Variants in SDF4 observed in about 807,000 individuals in gnomAD.
SDF4 encodes stromal cell derived factor 4.
In SDF4, 22 loss-of-function variants were observed where a neutral mutation model predicts 34.2. The ratio of observed to expected loss-of-function variants is 0.64; its 90% confidence interval spans 0.46 to 0.92. The LOEUF (loss-of-function observed/expected upper bound fraction) is 0.92, where lower values mean the gene tolerates loss of function less well. Ranked by LOEUF, SDF4 falls within the 40% of genes least tolerant of loss-of-function variation. The probability of loss-of-function intolerance (pLI) is 0.00; values close to 1 mark genes in which losing one functional copy is unlikely to be tolerated. For synonymous variants in SDF4, 236 were observed against 203.1 expected (o/e 1.16, Z -1.38); for missense variants, 447 against 499.9 (o/e 0.89, Z 1.01).
At chr1:1,220,247 A>G (rs1281798055) in intron 4 of SDF4, 5 of 1,028,718 alleles carry the variant, frequency 4.9e-6, no homozygotes, top group Non-Finnish European at 5.8e-6. Context: ...TGGATCAGGG[A>G]GAGTCAACGA....
chr1:1,218,700 C>T lies in SDF4; in HGVS notation c.716-67G>A, dbSNP rs1649692370. The stretch of plus-strand genomic sequence containing the variant: ...TCCCGCAGGACCTGCCCCGACCTCC[C>T]GACGATGCCCGGCCCCTGCCAGTCG... On this transcript the variant is annotated intron_variant, in intron 5 of 6. Transcript: ENST00000360001. The surrounding 1 kb of genome is among the most constrained non-coding windows in gnomAD (Gnocchi z 7.9). 30 of 1,611,254 alleles carry T rather than the reference C, an allele frequency of 1.9e-5. No homozygotes were observed. Among genetic ancestry groups the T allele is most frequent in the Non-Finnish European group, 2.4e-5 (28 of 1,178,622 alleles).
chr1:1,227,097 C>T (rs936296355), intron 2 of SDF4, among the ~76,000 whole-genome samples: 1 of 152,216 alleles, frequency 6.6e-6, no homozygotes, highest in Non-Finnish European at 1.5e-5. Context: ...CACCAGCTCA[C>T]CTGTGCTCCG....
Position 1,228,852 on chromosome 1 carries a change from G to A in SDF4, c.-80C>T. 5 of 1,327,064 alleles carry A rather than the reference G, an allele frequency of 3.8e-6. No homozygotes were observed. Among genetic ancestry groups the A allele is most frequent in the Non-Finnish European group, 5.1e-6 (5 of 973,026 alleles). 82.2% of individuals were successfully genotyped at this position (1,327,064 alleles called of 1,614,324 possible). On this transcript the variant is annotated 5_prime_UTR_variant, in exon 2 of 7. Coordinates refer to ENST00000360001, the MANE Select transcript of SDF4 (RefSeq NM_016176.6). Reference sequence around the variant, plus strand: ...GAGGGGCAGGGGCAGGGGCAGAGGAGGAAGTGAGGTCCTGGCTCCAATCCA... The same window carrying A: ...GAGGGGCAGGGGCAGGGGCAGAGGAAGAAGTGAGGTCCTGGCTCCAATCCA...
At chr1:1,225,873 G>A (rs529296407) in intron 2 of SDF4, among the ~76,000 whole-genome samples, 1 of 152,354 alleles carries the variant, frequency 6.6e-6, no homozygotes, top group South Asian at 2.1e-4. Context: ...CAGTCAAGAT[G>A]TCGGCAAGGA....
At chr1:1,231,099 G>A (rs567589232) in intron 1 of SDF4, among the ~76,000 whole-genome samples, 38 of 152,358 alleles carry the variant, frequency 2.5e-4, no homozygotes, top group African/African-American at 8.4e-4. Context: ...TCTCGAAAAA[G>A]GGGGAATAAA....
chr1:1,220,946 T>G, intron 4 of SDF4: 1 of 373,024 alleles, frequency 2.7e-6, no homozygotes, highest in Non-Finnish European at 5.2e-6. Flanking sequence ...ACCACTCTTT[T>G]GGAAAGGAAG....
chr1:1,227,306 C>T, intron 2 of SDF4: 1 of 152,666 alleles, frequency 6.6e-6, no homozygotes, highest in South Asian at 1.9e-4. Context: ...GGAAGGCGAG[C>T]TCGTGGCCAG....
rs148386779 is a variant in SDF4, at chr1:1,228,915, C to T, written c.-143G>A. On this transcript the variant is annotated 5_prime_UTR_variant, in exon 2 of 7. Transcript: ENST00000360001. ...CACGGAGGGCTCTGTGTCCCCAGGA[C>T]GGCCGCAGGATGGGGACAAGCAGCT... is the stretch of plus-strand genomic sequence containing the variant. 2.0e-3 allele frequency: 1,437 copies of T among 707,006 alleles called. 4 individuals carry two copies. The highest frequency in any genetic ancestry group is 2.9e-3 in the Admixed American group (102 of 35,560). 43.8% of individuals were successfully genotyped at this position (707,006 alleles called of 1,614,324 possible).
At position 1,228,671 on chromosome 1, in the gene SDF4, G is replaced by A. The variant is rs1042842525; in HGVS notation, c.102C>T (p.His34=). The A allele has an allele frequency of 6.2e-7, 1 of 1,613,084 alleles. No individual in the cohort carries two copies. The highest frequency in any genetic ancestry group is 1.7e-5 in the Admixed American group (1 of 60,026). Residue 34 remains histidine (H), a synonymous_variant, in exon 2 of 7, where the codon CAC becomes CAT. Coordinates refer to ENST00000360001, the MANE Select transcript of SDF4 (RefSeq NM_016176.6). ...LMDASARPAN[H]SSTRERVANR... is the part of the protein sequence containing the mutation. ...TGGCTACTCTCTCTCGAGTGGACGA[G>A]TGGTTGGCAGGCCGTGCAGACGCGT... is the stretch of plus-strand genomic sequence containing the variant.
intron 1 of SDF4, 138 bp downstream of exon 1, chr1:1,231,754 G>A (rs1397330345): frequency 6.6e-6 from 1 of 152,234 alleles, no homozygotes; most frequent in African/African-American, 2.4e-5. Context: ...AGTCTCGCCA[G>A]GGCTCAAGGC....
rs59813672 is a variant in SDF4 at position 1,223,287 on chromosome 1, G to A, written c.513C>T (p.Ala171=). The A allele has an allele frequency of 3.6e-4, 582 of 1,614,046 alleles. 5 individuals are homozygous for A. The African/African-American group carries it at 6.7e-3, about 18-fold the overall frequency. The change falls in exon 4 of 7, where the codon GCC becomes GCT. Residue 171 remains alanine (A), a synonymous_variant. Transcript: ENST00000360001. Reference sequence around the variant, plus strand: ...GTTCCTCGTTGAGCCTGATGGCGTCGGCAACCTCCTTCTCGCTATGGCCTT... The same window carrying A: ...GTTCCTCGTTGAGCCTGATGGCGTCAGCAACCTCCTTCTCGCTATGGCCTT... The part of the protein sequence containing the change: ...ASKGHSEKEV[A]DAIRLNEELK...
At chr1:1,229,098 A>G (rs4970425) in intron 1 of SDF4, among the ~76,000 whole-genome samples, 152 bp from the exon 2 acceptor site, 1 of 141,568 alleles carries the variant, frequency 7.1e-6, no homozygotes, top group African/African-American at 2.8e-5. Flanking sequence ...CCTTCTCCAG[A>G]CCACACGTGG....
At chr1:1,230,706 G>C (rs11260564) in intron 1 of SDF4, among the ~76,000 whole-genome samples, 2 of 152,202 alleles carry the variant, frequency 1.3e-5, no homozygotes, top group Admixed American at 6.5e-5. Flanking sequence ...TGATCCTCCT[G>C]CCTCGGCCTC....
chr1:1,230,307 A>T (rs774990256), intron 1 of SDF4, among the ~76,000 whole-genome samples: 8 of 152,162 alleles, frequency 5.3e-5, no homozygotes, highest in Non-Finnish European at 1.2e-4. Flanking sequence ...CCTGGGTAAT[A>T]TTAAACGAAA....
rs141585306 is a variant in SDF4, at chr1:1,220,909, G to A, written c.557-1982C>T. On this transcript the variant is annotated intron_variant, in intron 4 of 6. Coordinates refer to ENST00000360001, the MANE Select transcript of SDF4 (RefSeq NM_016176.6). Reference sequence around the variant, plus strand: ...GAACGCGGGACCGGGGTGGAGGCACGAACCGTGTGTGGGGAGGAAAATGTA... The same window carrying A: ...GAACGCGGGACCGGGGTGGAGGCACAAACCGTGTGTGGGGAGGAAAATGTA... 808 of 452,640 alleles carry A rather than the reference G, an allele frequency of 1.8e-3. 11 individuals carry two copies. The East Asian group carries it at 0.037, about 21-fold the overall frequency. The allele number at this position is 452,640 out of a possible 1,614,324, so 28.0% of individuals were successfully genotyped here. A position where few individuals can be genotyped will look rare whatever the true frequency, so the allele number is the denominator to read the frequency against.
intron 1 of SDF4, among the ~76,000 whole-genome samples, 172 bp from the exon 2 acceptor site, chr1:1,229,118 C>T (rs1638412995): frequency 6.6e-6 from 1 of 152,030 alleles, no homozygotes; most frequent in African/African-American, 2.4e-5. Flanking sequence ...GCATTGTTTT[C>T]TCCGGGCCAC....
Position 1,223,877 on chromosome 1 carries a change from C to T in SDF4, c.397G>A (p.Glu133Lys). ...GCGCGGAAGTGTGTCTTGCTCTCCT[C>T]CATGGCCTCCTGGAAGTGCTCGGCC... ...KTAEHFQEAMEESKTHFRAVD... is the reference protein window; with the variant it reads ...KTAEHFQEAMKESKTHFRAVD... Residue 133 changes from glutamate (E) to lysine (K), a missense_variant, in exon 3 of 7, where the codon GAG becomes AAG. Physicochemically the swap from Glu to Lys is moderately conservative, Grantham distance 56. Coordinates refer to ENST00000360001, the MANE Select transcript of SDF4 (RefSeq NM_016176.6). The T allele has an allele frequency of 8.7e-6, 14 of 1,608,468 alleles. No individual in the cohort carries two copies. Among genetic ancestry groups the T allele is most frequent in the Non-Finnish European group, 1.1e-5 (13 of 1,179,500 alleles).
At position 1,223,799 on chromosome 1, in the gene SDF4, ACCGCCCCACCCACC is replaced by A; in HGVS notation, c.442+19_442+32del. ...GCCCATGGCCCTGCCCGCCCCGCCC[ACCGCCCCACCCACC>A]CCGGCCCAGCCACAGTACCGTCCCC... On this transcript the variant is annotated intron_variant, in intron 3 of 6. Transcript: ENST00000360001. 7.7e-6 allele frequency: 1 copy of A among 129,940 alleles called. No individual in the cohort carries two copies. The highest frequency in any genetic ancestry group is 1.3e-5 in the Non-Finnish European group (1 of 76,800). 8.0% of individuals were successfully genotyped at this position (129,940 alleles called of 1,614,324 possible).
intron 1 of SDF4, among the ~76,000 whole-genome samples, chr1:1,230,817 C>T (rs1372160745): frequency 6.6e-6 from 1 of 152,232 alleles, no homozygotes; most frequent in East Asian, 1.9e-4. Context: ...AATTCTATTC[C>T]TGTCGTCCCA....
Sources: allele counts gnomAD v4.1 joint callset (sites outside exome capture counted in the v4.1 genomes callset), GRCh38; gene constraint gnomAD v4.1.1; non-coding constraint Gnocchi (gnomAD v3.1); transcripts MANE v1.5; gene names NCBI Gene and HGNC (gene_info 2026-07-23, HGNC 2026-07-21).